The following EBF1 variants were observed in gnomAD, a reference collection of about 807,000 sequenced individuals.
EBF1 encodes the protein EBF transcription factor 1.
A neutral mutation model predicts 68.4 loss-of-function variants in EBF1; 10 were observed. The ratio of observed to expected loss-of-function variants is 0.15; its 90% CI spans 0.09 to 0.25. The LOEUF is 0.25. Ranked by LOEUF, EBF1 falls within the 10% of genes least tolerant of loss-of-function variation. EBF1 has a pLI of 1.00. For synonymous variants in EBF1, 298 were observed against 299.8 expected (o/e 0.99, Z 0.06); for missense variants, 509 against 794.4 (o/e 0.64, Z 4.32).
chr5:158,904,612 G>A (rs947500099), intron 6 of EBF1, among the ~76,000 whole-genome samples: 28 of 152,264 alleles, frequency 1.8e-4, no homozygotes, highest in South Asian at 6.2e-4. Flanking sequence ...GTTGGGAACC[G>A]AAATTAGAAA....
intron 6 of EBF1, among the ~76,000 whole-genome samples, chr5:159,046,837 G>A (rs1772507477): frequency 6.6e-6 from 1 of 152,192 alleles, no homozygotes; most frequent in Non-Finnish European, 1.5e-5. Flanking sequence ...TTTCTATGGT[G>A]TAAATATCCC....
chr5:158,739,137 C>T (rs1765781064), intron 10 of EBF1, among the ~76,000 whole-genome samples: 1 of 152,210 alleles, frequency 6.6e-6, no homozygotes, highest in African/African-American at 2.4e-5. Flanking sequence ...GAAAGAGACA[C>T]AAATGCTGTC....
intron 6 of EBF1, among the ~76,000 whole-genome samples, chr5:158,972,923 G>A (rs1755943301): frequency 6.6e-6 from 1 of 152,178 alleles, no homozygotes; most frequent in East Asian, 1.9e-4. Context: ...TATCCGCAAG[G>A]CTCTGTCCCT....
At chr5:159,087,351 TATAC>T (rs1234427472) in intron 4 of EBF1, among the ~76,000 whole-genome samples, 17 of 120,950 alleles carry the variant, frequency 1.4e-4, no homozygotes, top group African/African-American at 5.7e-4. Context: ...CACATATATA[TATAC>T]ACATATATAT....
At chr5:158,733,595 A>C (rs1320955115) in intron 10 of EBF1, among the ~76,000 whole-genome samples, 1 of 152,216 alleles carries the variant, frequency 6.6e-6, no homozygotes, top group Admixed American at 6.5e-5. Flanking sequence ...ATTGAATTAG[A>C]CATATTAAAC....
chr5:158,799,648 C>A (rs1285706447), intron 8 of EBF1, among the ~76,000 whole-genome samples: 1 of 152,124 alleles, frequency 6.6e-6, no homozygotes, highest in Non-Finnish European at 1.5e-5. Context: ...AGCTCAGGAT[C>A]TCAGAACAAG....
chr5:159,058,135 TA>T (rs1775112606), intron 6 of EBF1, among the ~76,000 whole-genome samples: 1 of 152,214 alleles, frequency 6.6e-6, no homozygotes, highest in Admixed American at 6.5e-5. Flanking sequence ...GCTCTGCAGA[TA>T]GTCTTTATTG....
At chr5:158,915,189 G>A (rs779741183) in intron 6 of EBF1, among the ~76,000 whole-genome samples, 10 of 152,074 alleles carry the variant, frequency 6.6e-5, no homozygotes, top group Non-Finnish European at 1.0e-4. Context: ...GAACTCTGGG[G>A]GCCTCATTTA....
At chr5:158,824,489 C>T (rs1025846265) in intron 7 of EBF1, among the ~76,000 whole-genome samples, 5 of 152,188 alleles carry the variant, frequency 3.3e-5, no homozygotes, top group Admixed American at 6.5e-5. Context: ...GCCTCCAGAG[C>T]GAAGGCTGAG....
chr5:158,742,814 C>T (rs1766707613), intron 10 of EBF1, among the ~76,000 whole-genome samples: 1 of 152,108 alleles, frequency 6.6e-6, no homozygotes, highest in Non-Finnish European at 1.5e-5. Flanking sequence ...TAGGACACAA[C>T]CATTTTAAAA....
At chr5:159,019,615 G>A (rs778348560) in intron 6 of EBF1, among the ~76,000 whole-genome samples, 5 of 152,040 alleles carry the variant, frequency 3.3e-5, no homozygotes, top group Non-Finnish European at 5.9e-5. Context: ...CATTTGTTTT[G>A]TGGATATTTC....
At chr5:158,971,233 C>T (rs140390603) in intron 6 of EBF1, among the ~76,000 whole-genome samples, 4 of 152,236 alleles carry the variant, frequency 2.6e-5, no homozygotes, top group African/African-American at 4.8e-5. Flanking sequence ...TTAGAAAGCA[C>T]GTGGATGATG....
chr5:158,928,667 C>A (rs369600076), intron 6 of EBF1, among the ~76,000 whole-genome samples: 1 of 152,192 alleles, frequency 6.6e-6, no homozygotes, highest in African/African-American at 2.4e-5. Context: ...AAGTGGGAAC[C>A]TCTACAAAAA....
intron 6 of EBF1, among the ~76,000 whole-genome samples, chr5:158,999,404 C>T (rs1762084629): frequency 6.6e-6 from 1 of 152,186 alleles, no homozygotes; most frequent in Non-Finnish European, 1.5e-5. Context: ...TCCTTACATC[C>T]AGTTAAAGGA....
intron 10 of EBF1, among the ~76,000 whole-genome samples, chr5:158,768,327 T>C (rs1192914985): frequency 6.6e-6 from 1 of 152,138 alleles, no homozygotes; most frequent in Non-Finnish European, 1.5e-5. Context: ...TAAAAATTGT[T>C]TTAAATTCAT....
rs184422818 is a variant in EBF1 at position 158,946,074 on chromosome 5, C to T, written c.555-105964G>A. ...TCTCTAAACTGGTTATTCTAGTTAG[C>T]AATTTCTCTAACCTTTTATCAAGGT... On this transcript the variant is annotated intron_variant, in intron 6 of 15. Transcript: ENST00000313708. 7.4e-3 allele frequency among the ~76,000 whole-genome samples: 1,123 copies of T among 152,268 alleles called. 16 individuals carry two copies. Among genetic ancestry groups the T allele is most frequent in the African/African-American group, 0.025 (1,040 of 41,546 alleles).
At chr5:158,955,974 G>T (rs373330241) in intron 6 of EBF1, among the ~76,000 whole-genome samples, 2 of 151,082 alleles carry the variant, frequency 1.3e-5, no homozygotes, top group Non-Finnish European at 2.9e-5. Flanking sequence ...TTACTTATTT[G>T]TTACAAGCTC....
At chr5:158,989,061 T>C (rs1358575313) in intron 6 of EBF1, among the ~76,000 whole-genome samples, 1 of 152,228 alleles carries the variant, frequency 6.6e-6, no homozygotes, top group Non-Finnish European at 1.5e-5. Context: ...TCATGCATGT[T>C]TCCAGGCCTC....
At chr5:158,853,794 A>G (rs778868314) in intron 6 of EBF1, among the ~76,000 whole-genome samples, 6 of 152,208 alleles carry the variant, frequency 3.9e-5, no homozygotes, top group Non-Finnish European at 8.8e-5. Flanking sequence ...ATTTATGTAT[A>G]TATTTTTTAT....
Sources: gnomAD v4.1 joint callset for allele counts (sites outside exome capture counted in the v4.1 genomes callset) on GRCh38, gnomAD v4.1.1 for gene constraint, MANE v1.5 for transcripts, NCBI Gene and HGNC (gene_info 2026-07-23, HGNC 2026-07-21) for gene names.